CRTAC1: variants seen among roughly 807,000 people sequenced by gnomAD.
The protein encoded by CRTAC1 is cartilage acidic protein 1, also known as acidic secreted protein in cartilage.
Under a neutral mutation model 67.8 loss-of-function variants are expected in CRTAC1, and 37 were observed. The ratio of observed to expected loss-of-function variants is 0.55; its 90% CI spans 0.42 to 0.72. The LOEUF is 0.72. Among genes scored for constraint, CRTAC1 ranks in the 30% least tolerant of loss-of-function variants. The pLI is 0.00. For synonymous variants in CRTAC1, 348 were observed against 371.0 expected (o/e 0.94, Z 0.71); for missense variants, 780 against 931.6 (o/e 0.84, Z 2.12).
chr10:98,017,556 T>C (rs1392560795), intron 1 of CRTAC1, among the ~76,000 whole-genome samples: 2 of 152,072 alleles, frequency 1.3e-5, no homozygotes, highest in Non-Finnish European at 2.9e-5. Context: ...TTTTTTGAGA[T>C]AGGGTCTCAC....
At chr10:97,893,864 T>G (rs2050413138) in intron 11 of CRTAC1, among the ~76,000 whole-genome samples, 1 of 152,240 alleles carries the variant, frequency 6.6e-6, no homozygotes, top group African/African-American at 2.4e-5. Flanking sequence ...CTTTTGGAGA[T>G]GAGCTTTTTC....
chr10:97,923,451 G>A (rs756685052), intron 3 of CRTAC1, 51 bp from the exon 4 acceptor site: 2 of 1,609,866 alleles, frequency 1.2e-6, no homozygotes, highest in Non-Finnish European at 8.5e-7. Flanking sequence ...CAGGGTCTTG[G>A]TTCTGATCTC....
intron 3 of CRTAC1, among the ~76,000 whole-genome samples, chr10:97,924,841 G>T (rs895502573): frequency 6.6e-6 from 1 of 152,174 alleles, no homozygotes; most frequent in Non-Finnish European, 1.5e-5. Context: ...TCTGTGAGTG[G>T]GTGTGTGTGA....
At chr10:97,978,375 T>A (rs2051839880) in intron 2 of CRTAC1, among the ~76,000 whole-genome samples, 1 of 152,142 alleles carries the variant, frequency 6.6e-6, no homozygotes, top group South Asian at 2.1e-4. Context: ...TCCACCTCAG[T>A]TTTTTTCATA....
intron 5 of CRTAC1, among the ~76,000 whole-genome samples, chr10:97,917,183 A>C (rs2050771146): frequency 6.6e-6 from 1 of 152,232 alleles, no homozygotes; most frequent in Non-Finnish European, 1.5e-5. Context: ...CATTGAGGTT[A>C]CCAGAGGCAG....
intron 2 of CRTAC1, among the ~76,000 whole-genome samples, chr10:97,984,922 G>C (rs1173930197): frequency 6.6e-6 from 1 of 152,216 alleles, no homozygotes; most frequent in African/African-American, 2.4e-5. Context: ...CCTAGCTCTG[G>C]TGCTGCAGTG....
chr10:97,914,402 C>T (rs1269208505), intron 5 of CRTAC1, among the ~76,000 whole-genome samples: 1 of 152,204 alleles, frequency 6.6e-6, no homozygotes, highest in South Asian at 2.1e-4. Flanking sequence ...TGGGCACTGC[C>T]CGTGTGCCAG....
intron 2 of CRTAC1, among the ~76,000 whole-genome samples, chr10:97,983,709 G>GCA (rs1045051543): frequency 6.6e-6 from 1 of 152,198 alleles, no homozygotes; most frequent in African/African-American, 2.4e-5. Flanking sequence ...CCTGGCAATG[G>GCA]CATAGTGGTA....
At chr10:97,954,170 T>C (rs563115910) in intron 2 of CRTAC1, among the ~76,000 whole-genome samples, 5 of 152,146 alleles carry the variant, frequency 3.3e-5, no homozygotes, top group Admixed American at 1.3e-4. Context: ...TTGGCTCAGC[T>C]CCACTTTCCT....
intron 2 of CRTAC1, among the ~76,000 whole-genome samples, chr10:97,959,761 AC>A (rs1415162894): frequency 7.2e-5 from 11 of 151,792 alleles, no homozygotes; most frequent in African/African-American, 2.7e-4. Flanking sequence ...CCCTAATAAA[AC>A]CCCATGTCTC....
chr10:98,028,080 G>A (rs1262210440), intron 1 of CRTAC1, among the ~76,000 whole-genome samples: 2 of 152,210 alleles, frequency 1.3e-5, no homozygotes, highest in African/African-American at 4.8e-5. Context: ...CCCTTAAAGA[G>A]TTCAAAGAAC....
At chr10:97,994,732 T>A (rs1443158669) in intron 2 of CRTAC1, among the ~76,000 whole-genome samples, 2 of 152,250 alleles carry the variant, frequency 1.3e-5, no homozygotes, top group African/African-American at 4.8e-5. Context: ...ATCAAGATAC[T>A]GATTAGATAC....
intron 4 of CRTAC1, among the ~76,000 whole-genome samples, chr10:97,918,229 C>T (rs902658094): frequency 6.6e-6 from 1 of 152,170 alleles, no homozygotes; most frequent in African/African-American, 2.4e-5. Flanking sequence ...CTTATTTCCC[C>T]TGTATTACCA....
chr10:97,961,677 T>C (rs2051528290), intron 2 of CRTAC1, among the ~76,000 whole-genome samples: 1 of 152,154 alleles, frequency 6.6e-6, no homozygotes, highest in Non-Finnish European at 1.5e-5. Context: ...TTCTTTCTCC[T>C]CTTAGGTTGG....
chr10:97,932,613 G>C (rs1291557229), intron 3 of CRTAC1, among the ~76,000 whole-genome samples: 2 of 152,130 alleles, frequency 1.3e-5, no homozygotes, highest in Non-Finnish European at 2.9e-5. Flanking sequence ...TGAGCCTGGA[G>C]AACATCAGTG....
chr10:97,952,365 T>A lies in CRTAC1; in HGVS notation c.225-15999A>T, dbSNP rs568300388. Among the ~76,000 whole-genome samples, 465 of 144,670 alleles carry A rather than the reference T, an allele frequency of 3.2e-3. 7 individuals are homozygous for A. Among genetic ancestry groups the A allele is most frequent in the Admixed American group, 0.022 (310 of 14,380 alleles). 94.9% of individuals were successfully genotyped at this position (144,670 alleles called of 152,430 possible). Reference sequence around the variant, plus strand: ...AGACTCCATCTCAAAAAAAAATAAATAAATAAATAAATAAATAAAAAAATT... The same window carrying A: ...AGACTCCATCTCAAAAAAAAATAAAAAAATAAATAAATAAATAAAAAAATT... On this transcript the variant is annotated intron_variant, in intron 2 of 14. Coordinates refer to ENST00000370597, the MANE Select transcript of CRTAC1 (RefSeq NM_018058.7).
chr10:97,893,880 T>A (rs2050413372), intron 11 of CRTAC1, among the ~76,000 whole-genome samples: 1 of 152,202 alleles, frequency 6.6e-6, no homozygotes, highest in Admixed American at 6.5e-5. Context: ...TTTTCTCCCC[T>A]TTTCTCACTC....
intron 3 of CRTAC1, among the ~76,000 whole-genome samples, chr10:97,932,369 C>G (rs2051015988): frequency 6.6e-6 from 1 of 152,164 alleles, no homozygotes; most frequent in African/African-American, 2.4e-5. Context: ...TTAATGCTTA[C>G]TAAGTGACAG....
intron 2 of CRTAC1, among the ~76,000 whole-genome samples, chr10:97,941,321 C>T (rs190121264): frequency 3.0e-4 from 45 of 152,036 alleles, no homozygotes; most frequent in African/African-American, 1.1e-3. Context: ...TTCCTTCTTC[C>T]TCTCCCTTCC....
Sources: gnomAD v4.1 joint callset for allele counts (sites outside exome capture counted in the v4.1 genomes callset) on GRCh38, gnomAD v4.1.1 for gene constraint, MANE v1.5 for transcripts, NCBI Gene and HGNC (gene_info 2026-07-23, HGNC 2026-07-21) for gene names.